The following CEP83 variants were observed in gnomAD, a reference collection of about 807,000 sequenced individuals.
CEP83 encodes the protein centrosomal protein of 83 kDa.
CEP83 carries 70 observed loss-of-function variants against 101.9 expected under a neutral mutation model. The observed-to-expected ratio is 0.69, with a 90% CI of 0.57 to 0.84. The LOEUF (loss-of-function observed/expected upper bound fraction) is 0.84. CEP83 is among the 40% of genes least tolerant of loss of function. CEP83 has a pLI of 0.00. For missense variants in CEP83, 715 were observed against 787.2 expected, an observed-to-expected ratio of 0.91 and a Z score of 1.10; for synonymous variants, 264 against 267.9, an observed-to-expected ratio of 0.99 and a Z score of 0.14.
intron 11 of CEP83, among the ~76,000 whole-genome samples, chr12:94,341,935 G>C (rs1398788880): frequency 6.6e-6 from 1 of 152,128 alleles, no homozygotes; most frequent in African/African-American, 2.4e-5. Flanking sequence ...GATTATCATA[G>C]GATAAAACAT....
chr12:94,450,453 C>T (rs375503663), intron 1 of CEP83, among the ~76,000 whole-genome samples: 5 of 152,266 alleles, frequency 3.3e-5, no homozygotes, highest in Admixed American at 6.5e-5. Context: ...GGGGTTTCAC[C>T]GTGTTAGCCA....
the CEP83 span, among the ~76,000 whole-genome samples, chr12:94,292,650 A>G: frequency 1.3e-5 from 2 of 152,240 alleles, no homozygotes; most frequent in Non-Finnish European, 2.9e-5. Context: ...ACCCATGTTT[A>G]AACACAGAAT....
In CEP83 at chr12:94,341,213, A is replaced by C. The variant is rs558487390; in HGVS notation, c.1344-5549T>G. Among the ~76,000 whole-genome samples, 7 of 152,310 alleles carry C rather than the reference A, an allele frequency of 4.6e-5. No individual in the cohort carries two copies. The East Asian group carries it at 1.2e-3, about 25-fold the overall frequency. Reference sequence around the variant, plus strand: ...TATGATAAGCTAGTGGTAAAAAAAAAACACTTTCATCAAAAGAAAAGACTG... The same window carrying C: ...TATGATAAGCTAGTGGTAAAAAAAACACACTTTCATCAAAAGAAAAGACTG... On this transcript the variant is annotated intron_variant, in intron 11 of 16. Transcript: ENST00000397809.
intron 6 of CEP83, among the ~76,000 whole-genome samples, chr12:94,391,751 G>A (rs768164288): frequency 9.2e-5 from 14 of 151,762 alleles, no homozygotes; most frequent in African/African-American, 3.4e-4. Flanking sequence ...GTGCAAAGAC[G>A]CACATAGGCT....
At chr12:94,420,576 GTTT>G (rs1032043346) in intron 2 of CEP83, among the ~76,000 whole-genome samples, 1 of 151,714 alleles carries the variant, frequency 6.6e-6, no homozygotes, top group Non-Finnish European at 1.5e-5. Context: ...GTTTTGCATG[GTTT>G]TTTTTGTTTT....
At chr12:94,405,146 A>G (rs941441345) in intron 4 of CEP83, among the ~76,000 whole-genome samples, 10 of 152,220 alleles carry the variant, frequency 6.6e-5, no homozygotes, top group Non-Finnish European at 1.3e-4. Context: ...AAGATGAGGT[A>G]GCAATTAAAA....
the CEP83 span, chr12:94,277,703 G>C: frequency 1.0e-4 from 35 of 341,648 alleles, no homozygotes; most frequent in Non-Finnish European, 1.2e-5. Context: ...CGTCCTAGCT[G>C]TCCAATGTGG....
chr12:94,452,372 A>C (rs2067322801), intron 1 of CEP83, among the ~76,000 whole-genome samples: 1 of 152,142 alleles, frequency 6.6e-6, no homozygotes, highest in African/African-American at 2.4e-5. Context: ...AAAAAGGGCT[A>C]GGTAGAAGAA....
intron 1 of CEP83, among the ~76,000 whole-genome samples, chr12:94,436,557 G>A (rs574505893): frequency 2.2e-4 from 34 of 152,204 alleles, no homozygotes; most frequent in South Asian, 2.1e-3. Flanking sequence ...ATTTTGGCTG[G>A]GAGCAGTGGC....
the CEP83 span, among the ~76,000 whole-genome samples, chr12:94,291,944 C>T: frequency 1.6e-3 from 237 of 152,262 alleles, 1 homozygote; most frequent in Non-Finnish European, 2.4e-3. Context: ...GTCTACTGCT[C>T]CCATCTTTAT....
At chr12:94,279,519 T>A in the CEP83 span, 1 of 1,614,222 alleles carries the variant, frequency 6.2e-7, no homozygotes, top group African/African-American at 1.3e-5. Flanking sequence ...AGAGTGCAGA[T>A]GTCTGTCGGA....
chr12:94,351,119 G>C (rs2060178147), intron 11 of CEP83, among the ~76,000 whole-genome samples: 2 of 152,326 alleles, frequency 1.3e-5, no homozygotes, highest in South Asian at 4.2e-4. Context: ...TGAGATGGCA[G>C]CATAGAGAAG....
At chr12:94,417,827 A>T (rs1384325999) in intron 2 of CEP83, among the ~76,000 whole-genome samples, 1 of 152,194 alleles carries the variant, frequency 6.6e-6, no homozygotes, top group African/African-American at 2.4e-5. Context: ...TACATTAAAA[A>T]AAGAAATCCA....
At chr12:94,359,581 C>G (rs534895318) in intron 11 of CEP83, among the ~76,000 whole-genome samples, 1 of 152,080 alleles carries the variant, frequency 6.6e-6, no homozygotes, top group East Asian at 1.9e-4. Flanking sequence ...CTGAACCAAA[C>G]AGAAGGAAAT....
chr12:94,300,283 G>T, the CEP83 span, among the ~76,000 whole-genome samples: 2 of 152,164 alleles, frequency 1.3e-5, no homozygotes, highest in Non-Finnish European at 2.9e-5. Context: ...ATCTGAGAAG[G>T]CCTCACAGAG....
At chr12:94,439,189 T>C (rs2066214724) in intron 1 of CEP83, among the ~76,000 whole-genome samples, 1 of 151,840 alleles carries the variant, frequency 6.6e-6, no homozygotes, top group Non-Finnish European at 1.5e-5. Flanking sequence ...CTAAATGAAA[T>C]TGAAACACAA....
chr12:94,307,290 A>C (rs751203519), downstream of CEP83: 5 of 152,156 alleles, frequency 3.3e-5, no homozygotes, highest in Non-Finnish European at 5.9e-5. Flanking sequence ...AGATTCACTA[A>C]TGTATGTAGC....
Position 94,333,403 on chromosome 12 carries a change from C to T in CEP83, c.1577+79G>A, listed in dbSNP as rs1486747714. On this transcript the variant is annotated intron_variant, in intron 13 of 16. Transcript: ENST00000397809. Reference sequence around the variant, plus strand: ...TAACTAGTTTCTAAAATATAATCAACATTGGAATCATTACTAAAATAAGTA... The same window carrying T: ...TAACTAGTTTCTAAAATATAATCAATATTGGAATCATTACTAAAATAAGTA... 4.0e-6 allele frequency: 5 copies of T among 1,245,440 alleles called. No homozygotes were observed. In the African/African-American group the frequency reaches 6.1e-5, roughly 15 times the overall value. 77.1% of individuals were successfully genotyped at this position (1,245,440 alleles called of 1,614,324 possible).
intron 11 of CEP83, among the ~76,000 whole-genome samples, chr12:94,345,297 T>G (rs2059880097): frequency 6.6e-6 from 1 of 152,230 alleles, no homozygotes; most frequent in Non-Finnish European, 1.5e-5. Context: ...TATATTGGTT[T>G]ACATATACAT....
Sources: allele counts gnomAD v4.1 joint callset (sites outside exome capture counted in the v4.1 genomes callset), GRCh38; gene constraint gnomAD v4.1.1; transcripts MANE v1.5; gene names NCBI Gene and HGNC (gene_info 2026-07-23, HGNC 2026-07-21).